The following KDM2B variants were observed in gnomAD, a reference collection of about 807,000 sequenced individuals.
The protein encoded by KDM2B is lysine-specific demethylase 2B.
KDM2B carries 26 observed loss-of-function variants against 150.0 expected under a neutral mutation model. The ratio of observed to expected loss-of-function variants is 0.17; its 90% CI spans 0.13 to 0.24. KDM2B has a LOEUF of 0.24. Ranked by LOEUF, KDM2B falls within the 10% of genes least tolerant of loss-of-function variation. KDM2B has a pLI of 1.00. For missense variants in KDM2B, 1,265 were observed against 1,816.9 expected (o/e 0.70, Z 5.52); for synonymous variants, 734 against 729.5 (o/e 1.01, Z -0.10).
In KDM2B at chr12:121,570,375, G is replaced by A. The variant is rs1891009348; in HGVS notation, c.397+4172C>T. ...CCATTTTTGTGTTTTTTGTAGAGAC[G>A]AGGTTTTGCCATGCTCCCCAGGCTG... On this transcript the variant is annotated intron_variant, in intron 4 of 22. Transcript: ENST00000377071. Among the ~76,000 whole-genome samples, 6 of 152,040 alleles carry A rather than the reference G, an allele frequency of 3.9e-5. No homozygotes were observed. The South Asian group carries it at 1.0e-3, about 26-fold the overall frequency.
chr12:121,572,661 A>G (rs1025895244), intron 4 of KDM2B, among the ~76,000 whole-genome samples: 1 of 151,846 alleles, frequency 6.6e-6, no homozygotes. Flanking sequence ...TCATTTTATG[A>G]TTATTATTTA....
Position 121,520,795 on chromosome 12 carries a change from T to A in KDM2B, c.1047+190A>T, listed in dbSNP as rs565503542. Among the ~76,000 whole-genome samples the A allele has an allele frequency of 6.6e-6, 1 of 151,862 alleles. No homozygotes were observed. The highest frequency in any genetic ancestry group is 6.5e-5 in the Admixed American group (1 of 15,272). ...GAACAGAAACTCCAGGGCCTCCGGG[T>A]GTGGCTCCTACAGGCATTCCCCTGC... On this transcript the variant is annotated intron_variant, in intron 9 of 22. Coordinates refer to ENST00000377071, the MANE Select transcript of KDM2B (RefSeq NM_032590.5). This position sits in a 1 kb window ranked among gnomAD's most constrained non-coding sequence, Gnocchi z 4.5.
chr12:121,414,831 T>C, the KDM2B span, among the ~76,000 whole-genome samples: 1 of 152,202 alleles, frequency 6.6e-6, no homozygotes, highest in Admixed American at 6.5e-5. Flanking sequence ...CGGTGGCTCA[T>C]GCCTGTAATC....
In KDM2B at chr12:121,502,760, CAAAAAAAAAA is replaced by C. The variant is rs3080029; in HGVS notation, c.1647+6797_1647+6806del. 8.2e-4 allele frequency among the ~76,000 whole-genome samples: 37 copies of C among 45,186 alleles called. No homozygotes were observed. In the South Asian group the frequency reaches 9.2e-3, roughly 11 times the overall value. 29.6% of individuals were successfully genotyped at this position (45,186 alleles called of 152,430 possible). ...AGCAGAGCGAGACCCCCATCTCTAC[CAAAAAAAAAA>C]AAAAAAAAAAAAAAAAACTTAAATG... On this transcript the variant is annotated intron_variant, in intron 11 of 22. Coordinates refer to ENST00000377071, the MANE Select transcript of KDM2B (RefSeq NM_032590.5).
Position 121,547,911 on chromosome 12 carries a change from G to A in KDM2B, c.683+966C>T, listed in dbSNP as rs573684435. 2.0e-5 allele frequency among the ~76,000 whole-genome samples: 3 copies of A among 152,196 alleles called. No homozygotes were observed. The South Asian group carries it at 6.2e-4, about 32-fold the overall frequency. On this transcript the variant is annotated intron_variant, in intron 6 of 22. Coordinates refer to ENST00000377071, the MANE Select transcript of KDM2B (RefSeq NM_032590.5). Reference sequence around the variant, plus strand: ...CCGCCTCAGCCTCCCAAAGTGCTGGGATTACAGGTGTGAGCCACCCCGCCC... The same window carrying A: ...CCGCCTCAGCCTCCCAAAGTGCTGGAATTACAGGTGTGAGCCACCCCGCCC...
chr12:121,480,777 A>C (rs1882022242), intron 12 of KDM2B, among the ~76,000 whole-genome samples: 1 of 151,352 alleles, frequency 6.6e-6, no homozygotes, highest in Admixed American at 6.6e-5. Context: ...CTTCAAGAAA[A>C]CCCAAAAAAC....
rs1880318310 is a variant in KDM2B at position 121,468,041 on chromosome 12, C to A, written c.1735-14697G>T. ...AAGTAGTGCAGGCGGGAGTTCCACT[C>A]GAGTCGCCTGACGGGGGCTGTCAGA... On this transcript the variant is annotated intron_variant, in intron 12 of 22. Transcript: ENST00000377071. The surrounding 1 kb of genome is among the most constrained non-coding windows in gnomAD (Gnocchi z 4.0). The A allele has an allele frequency of 6.6e-6, 1 of 152,278 alleles. No homozygotes were observed. Among genetic ancestry groups the A allele is most frequent in the African/African-American group, 2.4e-5 (1 of 41,444 alleles). The allele number at this position is 152,278 out of a possible 1,614,324, so 9.4% of individuals were successfully genotyped here.
At chr12:121,516,903 A>T (rs1555305112) in intron 9 of KDM2B, 3 of 666,716 alleles carry the variant, frequency 4.5e-6, no homozygotes, top group South Asian at 3.3e-5. Flanking sequence ...AAAAAAAAAA[A>T]GTCCAATGGT....
intron 6 of KDM2B, among the ~76,000 whole-genome samples, chr12:121,539,026 T>C (rs1555309240): frequency 2.0e-5 from 3 of 151,758 alleles, no homozygotes; most frequent in African/African-American, 2.4e-5. Flanking sequence ...GGGCTGGAAA[T>C]GGTCCCATAG....
intron 13 of KDM2B, among the ~76,000 whole-genome samples, chr12:121,449,657 G>A (rs569258973): frequency 1.3e-5 from 2 of 152,278 alleles, no homozygotes; most frequent in South Asian, 4.1e-4. Context: ...CACACATTGG[G>A]TTTTAGGTGA....
At chr12:121,536,087 ACAGGGAGGAGC>A (rs1217878247) in intron 6 of KDM2B, 7 of 985,818 alleles carry the variant, frequency 7.1e-6, no homozygotes, top group Non-Finnish European at 8.4e-6. Flanking sequence ...GCGGGGACGG[ACAGGGAGGAGC>A]CAGCAGCGCG....
chr12:121,570,457 A>T (rs1566431149), intron 4 of KDM2B, among the ~76,000 whole-genome samples: 1 of 152,118 alleles, frequency 6.6e-6, no homozygotes, highest in African/African-American at 2.4e-5. Flanking sequence ...AAGTGCTGGA[A>T]CTAGCAGGTG....
chr12:121,575,034 A>G lies in KDM2B; in HGVS notation c.351-441T>C, dbSNP rs1555316679. ...GACGGACCCCTTTAAGTTCAGAGGG[A>G]AAAAAAGACACGCATTGTACTAGTT... On this transcript the variant is annotated intron_variant, in intron 3 of 22. Coordinates refer to ENST00000377071, the MANE Select transcript of KDM2B (RefSeq NM_032590.5). The surrounding 1 kb of genome is among the most constrained non-coding windows in gnomAD (Gnocchi z 4.4). Among the ~76,000 whole-genome samples, 2 of 152,196 alleles carry G rather than the reference A, an allele frequency of 1.3e-5. No homozygotes were observed. Among genetic ancestry groups the G allele is most frequent in the Non-Finnish European group, 2.9e-5 (2 of 68,040 alleles).
the KDM2B span, chr12:121,416,464 T>G: frequency 1.1e-6 from 1 of 929,384 alleles, no homozygotes; most frequent in Non-Finnish European, 1.7e-6. Flanking sequence ...GAATTTTCAT[T>G]TCTGTTTATA....
intron 8 of KDM2B, among the ~76,000 whole-genome samples, chr12:121,532,138 C>A (rs1887706718): frequency 6.6e-6 from 1 of 151,822 alleles, no homozygotes; most frequent in South Asian, 2.1e-4. Flanking sequence ...AGAAAAAAAG[C>A]ACAACTCCTA....
At chr12:121,552,438 C>T (rs1414434991) in intron 4 of KDM2B, among the ~76,000 whole-genome samples, 2 of 151,638 alleles carry the variant, frequency 1.3e-5, no homozygotes, top group African/African-American at 2.4e-5. Flanking sequence ...TTTTGGAGGC[C>T]GAGATGGGTG....
intron 11 of KDM2B, among the ~76,000 whole-genome samples, chr12:121,502,929 T>TA (rs34708388): frequency 0.014 from 2,036 of 149,990 alleles, 50 homozygotes; most frequent in African/African-American, 0.047. Flanking sequence ...TCCATCTTGG[T>TA]AAAAAAAATA....
chr12:121,580,718 G>C, intron 1 of KDM2B, 68 bp downstream of exon 1: 12 of 1,460,874 alleles, frequency 8.2e-6, no homozygotes, highest in South Asian at 4.5e-5. Context: ...CCCCACCTCC[G>C]TTCCTGCCCT....
At chr12:121,565,002 T>C (rs537845310) in intron 4 of KDM2B, among the ~76,000 whole-genome samples, 110 of 152,030 alleles carry the variant, frequency 7.2e-4, no homozygotes, top group African/African-American at 2.5e-3. Context: ...CCAGCTGATT[T>C]TTGTATTTTT....
Sources: allele counts gnomAD v4.1 joint callset (sites outside exome capture counted in the v4.1 genomes callset), GRCh38; gene constraint gnomAD v4.1.1; non-coding constraint Gnocchi (gnomAD v3.1); transcripts MANE v1.5; gene names NCBI Gene and HGNC (gene_info 2026-07-23, HGNC 2026-07-21).